Variants in EPHA4 observed in about 807,000 individuals in gnomAD.
EPHA4 encodes the protein ephrin type-A receptor 4.
EPHA4 carries 19 observed loss-of-function variants against 108.3 expected under a neutral mutation model. That is an observed-to-expected ratio of 0.18 (90% CI 0.12 to 0.26). The LOEUF is 0.26. Among genes scored for constraint, EPHA4 ranks in the 10% least tolerant of loss-of-function variants. EPHA4 has a pLI of 1.00. For synonymous variants in EPHA4, 449 were observed against 455.5 expected (o/e 0.99, Z 0.18); for missense variants, 917 against 1,254.0 (o/e 0.73, Z 4.06).
intron 17 of EPHA4, among the ~76,000 whole-genome samples, chr2:221,422,531 G>C (rs1328299529): frequency 6.6e-6 from 1 of 152,152 alleles, no homozygotes; most frequent in African/African-American, 2.4e-5. Flanking sequence ...TTGGGGACTT[G>C]GTGTGTATGC....
chr2:221,452,907 G>A (rs1018065640), intron 8 of EPHA4, among the ~76,000 whole-genome samples: 4 of 152,062 alleles, frequency 2.6e-5, no homozygotes, highest in African/African-American at 4.8e-5. Flanking sequence ...CCGTAGTCAC[G>A]GCTTTTAATA....
In EPHA4 at chr2:221,437,785, T is replaced by TGC. The variant is rs1559239777; in HGVS notation, c.2075-664_2075-663insGC. 4.7e-5 allele frequency among the ~76,000 whole-genome samples: 7 copies of TGC among 149,822 alleles called. 1 individual carries two copies. Among genetic ancestry groups the TGC allele is most frequent in the Admixed American group, 3.3e-4 (5 of 15,060 alleles). ...AAAAAAAAAAAAAATTTGCCAAGCATGGTGGCAGGCGCCTGTAATCCCAGC... is the reference window on the plus strand; with the variant it reads ...AAAAAAAAAAAAAATTTGCCAAGCATGCGGTGGCAGGCGCCTGTAATCCCAGC... On this transcript the variant is annotated intron_variant, in intron 11 of 17. Transcript: ENST00000281821.
At chr2:221,430,190 C>T in intron 14 of EPHA4, 39 bp from the exon 15 acceptor site, 2 of 1,554,950 alleles carry the variant, frequency 1.3e-6, no homozygotes, top group Non-Finnish European at 1.7e-6. Flanking sequence ...AGCTGCCAGG[C>T]AAGCTGCTGT....
At chr2:221,493,471 A>T (rs1229743638) in intron 4 of EPHA4, among the ~76,000 whole-genome samples, 1 of 152,192 alleles carries the variant, frequency 6.6e-6, no homozygotes, top group Non-Finnish European at 1.5e-5. Context: ...AAAATAAAAA[A>T]GGAAAAGAGT....
intron 3 of EPHA4, among the ~76,000 whole-genome samples, chr2:221,547,770 G>C (rs1364375467): frequency 1.3e-5 from 2 of 152,110 alleles, no homozygotes; most frequent in Non-Finnish European, 2.9e-5. Context: ...GTCTATCTGG[G>C]TTCAAATTGT....
intron 3 of EPHA4, among the ~76,000 whole-genome samples, chr2:221,561,391 A>C (rs1694460325): frequency 6.6e-6 from 1 of 152,212 alleles, no homozygotes; most frequent in Non-Finnish European, 1.5e-5. Flanking sequence ...TTGTGCAAAA[A>C]GTGTCTTGAA....
chr2:221,422,521 T>C (rs920709103), intron 17 of EPHA4, among the ~76,000 whole-genome samples: 3 of 152,154 alleles, frequency 2.0e-5, no homozygotes, highest in Non-Finnish European at 4.4e-5. Context: ...AGTGGGCAAT[T>C]TGGGGACTTG....
intron 6 of EPHA4, among the ~76,000 whole-genome samples, chr2:221,457,039 A>T (rs181478576): frequency 4.7e-4 from 71 of 152,240 alleles, no homozygotes; most frequent in Non-Finnish European, 8.8e-5. Flanking sequence ...TTTTGAAAGG[A>T]ACATTAAATG....
intron 17 of EPHA4, among the ~76,000 whole-genome samples, chr2:221,424,491 A>C (rs991410831): frequency 6.7e-6 from 1 of 150,360 alleles, no homozygotes; most frequent in Non-Finnish European, 1.5e-5. Flanking sequence ...AAAAAAAAAG[A>C]ATGAAAAGTT....
rs560526492 is a variant in EPHA4 at position 221,483,547 on chromosome 2, G to A, written c.980-857C>T. 3.1e-4 allele frequency among the ~76,000 whole-genome samples: 43 copies of A among 137,102 alleles called. No homozygotes were observed. The South Asian group carries it at 9.4e-3, about 30-fold the overall frequency. The allele number at this position is 137,102 out of a possible 152,430, so 89.9% of individuals were successfully genotyped here. A position where few individuals can be genotyped will look rare whatever the true frequency, so the allele number is the denominator to read the frequency against. Reference sequence around the variant, plus strand: ...GTGTGTGTGTGTGTGATGGAGTCTCGCTCTGTCACCCAGGCTGGAGTGCAG... The same window carrying A: ...GTGTGTGTGTGTGTGATGGAGTCTCACTCTGTCACCCAGGCTGGAGTGCAG... On this transcript the variant is annotated intron_variant, in intron 4 of 17. Coordinates refer to ENST00000281821, the MANE Select transcript of EPHA4 (RefSeq NM_004438.5).
rs758217457 is a variant in EPHA4 at position 221,564,320 on chromosome 2, G to A, written c.234C>T (p.Pro78=). ...CAGTTCGTAGCCAGTTATTCTGGCT[G>A]GGTTCCATCACATTGCACACTTGGT... is the stretch of plus-strand genomic sequence containing the variant. ...RTYQVCNVME[P]SQNNWLRTDW... is the part of the protein sequence containing the mutation. The change falls in exon 3 of 18, where the codon CCC becomes CCT. Residue 78 remains proline, a synonymous_variant. Transcript: ENST00000281821. 4.2e-5 allele frequency: 67 copies of A among 1,613,932 alleles called. No individual in the cohort carries two copies. The highest frequency in any genetic ancestry group is 5.5e-5 in the Non-Finnish European group (65 of 1,180,016).
chr2:221,559,671 A>C (rs570606214), intron 3 of EPHA4, among the ~76,000 whole-genome samples: 1 of 152,340 alleles, frequency 6.6e-6, no homozygotes, highest in South Asian at 2.1e-4. Flanking sequence ...ACATTTCTTC[A>C]TTAGGGGTAT....
At chr2:221,427,878 A>G (rs936463418) in intron 15 of EPHA4, among the ~76,000 whole-genome samples, 1 of 152,108 alleles carries the variant, frequency 6.6e-6, no homozygotes, top group African/African-American at 2.4e-5. Flanking sequence ...TCTTTTTTAT[A>G]TAAATATTTT....
At chr2:221,539,345 T>C (rs1693762902) in intron 3 of EPHA4, among the ~76,000 whole-genome samples, 1 of 152,180 alleles carries the variant, frequency 6.6e-6, no homozygotes, top group Admixed American at 6.5e-5. Context: ...GCAGAACAAT[T>C]ACTCACTGAG....
rs532584032 is a variant in EPHA4, at chr2:221,441,202, T to C, written c.2074+1627A>G. ...CTCATTTTTTCTTTTCTTTTCTTTT[T>C]TTTTTTTTTTTTAAGTAGAGACAGG... On this transcript the variant is annotated intron_variant, in intron 11 of 17. Transcript: ENST00000281821. Among the ~76,000 whole-genome samples the C allele has an allele frequency of 2.8e-4, 42 of 149,002 alleles. No individual in the cohort carries two copies. The East Asian group carries it at 7.0e-3, about 25-fold the overall frequency.
chr2:221,515,358 G>A (rs1454978656), intron 3 of EPHA4, among the ~76,000 whole-genome samples: 2 of 152,160 alleles, frequency 1.3e-5, no homozygotes, highest in Non-Finnish European at 2.9e-5. Flanking sequence ...ACCTCCCAAA[G>A]AGCTGGAATT....
chr2:221,426,135 C>T lies in EPHA4; in HGVS notation c.2854G>A (p.Ala952Thr). 6.2e-7 allele frequency: 1 copy of T among 1,613,938 alleles called. No homozygotes were observed. The highest frequency in any genetic ancestry group is 8.5e-7 in the Non-Finnish European group (1 of 1,179,902). Residue 952 changes from alanine to threonine, a missense_variant, in exon 17 of 18, where the codon GCA becomes ACA. Physicochemically the swap from Ala to Thr is moderately conservative, Grantham distance 58 (BLOSUM62 0). Transcript: ENST00000281821. The part of the protein sequence containing the change: ...AVVHVNQEDL[A>T]RIGITAITHQ... ...GTGATGGCTGTGATACCAATTCTTG[C>T]CAGGTCCCTGTACATAGGGCGACAA...
intron 3 of EPHA4, among the ~76,000 whole-genome samples, chr2:221,547,259 A>G (rs1002287500): frequency 6.6e-6 from 1 of 152,226 alleles, no homozygotes; most frequent in South Asian, 2.1e-4. Context: ...CATACCCAAC[A>G]TTTAGATTAT....
intron 5 of EPHA4, among the ~76,000 whole-genome samples, chr2:221,458,251 G>A (rs893093773): frequency 2.6e-5 from 4 of 152,154 alleles, no homozygotes; most frequent in Non-Finnish European, 4.4e-5. Context: ...CATTTCCACA[G>A]CACGTAGAGA....
Sources: gnomAD v4.1 joint callset for allele counts (sites outside exome capture counted in the v4.1 genomes callset) on GRCh38, gnomAD v4.1.1 for gene constraint, MANE v1.5 for transcripts, NCBI Gene and HGNC (gene_info 2026-07-23, HGNC 2026-07-21) for gene names.